Variants in CNTNAP3B observed in about 807,000 individuals in gnomAD.
The protein encoded by CNTNAP3B is contactin associated protein family member 3B.
A neutral mutation model predicts 108.9 loss-of-function variants in CNTNAP3B; 25 were observed. The observed-to-expected ratio is 0.23, with a 90% CI of 0.17 to 0.32. CNTNAP3B has a LOEUF of 0.32. Among genes scored for constraint, CNTNAP3B ranks in the 10% least tolerant of loss-of-function variants. The probability of loss-of-function intolerance (pLI) is 1.00; values close to 1 mark genes in which losing one functional copy is unlikely to be tolerated. For synonymous variants in CNTNAP3B, 103 were observed against 473.4 expected, an observed-to-expected ratio of 0.22 and a Z score of 10.16; for missense variants, 252 against 1,210.4, an observed-to-expected ratio of 0.21 and a Z score of 11.75.
At chr9:41,939,103 C>A (rs1375039289) in intron 13 of CNTNAP3B, among the ~76,000 whole-genome samples, 1 of 152,290 alleles carries the variant, frequency 6.6e-6, no homozygotes, top group Non-Finnish European at 1.5e-5. Context: ...ATCTATAGAA[C>A]TGCATATTAG....
intron 13 of CNTNAP3B, among the ~76,000 whole-genome samples, chr9:41,950,495 T>A (rs1824642340): frequency 8.8e-6 from 1 of 113,348 alleles, no homozygotes; most frequent in East Asian, 2.9e-4. Context: ...CCAGATGCCC[T>A]TCAATGAGTG....
Position 41,983,733 on chromosome 9 carries a change from G to A in CNTNAP3B, c.1477+2435C>T, listed in dbSNP as rs1402010980. The stretch of plus-strand genomic sequence containing the variant: ...GACTCCTATGTTATCATCCACTCAA[G>A]ATACACCAAGGCATTAACTAATTTT... On this transcript the variant is annotated intron_variant, in intron 9 of 23. Coordinates refer to ENST00000377561, the MANE Select transcript of CNTNAP3B (RefSeq NM_001201380.3). 8 of 89,820 alleles carry A rather than the reference G, an allele frequency of 8.9e-5. No individual in the cohort carries two copies. The South Asian group carries it at 2.7e-3, about 30-fold the overall frequency. 5.6% of individuals were successfully genotyped at this position (89,820 alleles called of 1,614,324 possible). A position where few individuals can be genotyped will look rare whatever the true frequency, so the allele number is the denominator to read the frequency against.
At chr9:42,042,384 C>T (rs1826779048) in intron 3 of CNTNAP3B, among the ~76,000 whole-genome samples, 1 of 137,836 alleles carries the variant, frequency 7.3e-6, no homozygotes, top group Non-Finnish European at 1.5e-5. Context: ...TTTACGCTTA[C>T]TTATCTCTAT....
At chr9:41,951,136 A>G (rs1258480387) in intron 13 of CNTNAP3B, among the ~76,000 whole-genome samples, 15 of 139,688 alleles carry the variant, frequency 1.1e-4, no homozygotes, top group Non-Finnish European at 2.3e-4. Flanking sequence ...ATATTGCACT[A>G]TACTTCTACA....
intron 1 of CNTNAP3B, among the ~76,000 whole-genome samples, chr9:42,127,524 G>C (rs926166504): frequency 7.2e-6 from 1 of 139,424 alleles, no homozygotes; most frequent in Non-Finnish European, 1.5e-5. Flanking sequence ...GTTGTATTTT[G>C]CCAGTTGATT....
At chr9:41,951,538 G>T (rs1220796254) in intron 13 of CNTNAP3B, among the ~76,000 whole-genome samples, 2 of 152,248 alleles carry the variant, frequency 1.3e-5, no homozygotes, top group African/African-American at 2.4e-5. Flanking sequence ...AACCCCATGA[G>T]ATCAGTACTA....
At chr9:42,047,360 G>C (rs1242416003) in intron 3 of CNTNAP3B, among the ~76,000 whole-genome samples, 1 of 134,236 alleles carries the variant, frequency 7.4e-6, no homozygotes, top group East Asian at 2.3e-4. Flanking sequence ...ATAATAAGAA[G>C]TAAGTGGTTA....
At chr9:41,952,368 C>T (rs1358615975) in intron 13 of CNTNAP3B, among the ~76,000 whole-genome samples, 1 of 152,178 alleles carries the variant, frequency 6.6e-6, no homozygotes. Context: ...ACTTCCTGGG[C>T]TCCAGTGATC....
At chr9:41,936,445 A>G (rs1308691139) in intron 14 of CNTNAP3B, among the ~76,000 whole-genome samples, 11 of 152,324 alleles carry the variant, frequency 7.2e-5, no homozygotes, top group African/African-American at 2.6e-4. Flanking sequence ...CTGAACAGCC[A>G]GGAGCTGGAG....
chr9:41,958,019 C>T (rs868224003), intron 12 of CNTNAP3B, among the ~76,000 whole-genome samples: 1 of 152,400 alleles, frequency 6.6e-6, no homozygotes, highest in Middle Eastern at 3.4e-3. Flanking sequence ...GCCTCAGCCT[C>T]CCACAGTGCT....
chr9:42,094,715 CAAGGAAGG>C (rs1209160324), intron 2 of CNTNAP3B, among the ~76,000 whole-genome samples: 1 of 67,030 alleles, frequency 1.5e-5, no homozygotes, highest in East Asian at 5.9e-4. Context: ...AGGAAAAAAG[CAAGGAAGG>C]AAGGAAGGAG....
chr9:42,121,984 CTCCAAG>C lies in CNTNAP3B; in HGVS notation c.85+7020_85+7025del, dbSNP rs1184924021. ...AGCATATTTGCATCAATTTCCTTGCCTCCAAGTCCTCTGGGGGAATATGGATGGGCA... is the reference window on the plus strand; with the variant it reads ...AGCATATTTGCATCAATTTCCTTGCCTCCTCTGGGGGAATATGGATGGGCA... On this transcript the variant is annotated intron_variant, in intron 1 of 23. Transcript: ENST00000377561. 2.9e-5 allele frequency among the ~76,000 whole-genome samples: 4 copies of C among 139,688 alleles called. 1 individual carries two copies. In the South Asian group the frequency reaches 9.3e-4, roughly 32 times the overall value. 91.6% of individuals were successfully genotyped at this position (139,688 alleles called of 152,430 possible). A position where few individuals can be genotyped will look rare whatever the true frequency, so the allele number is the denominator to read the frequency against.
At chr9:42,002,499 C>A (rs1336061007) in intron 4 of CNTNAP3B, among the ~76,000 whole-genome samples, 1 of 105,666 alleles carries the variant, frequency 9.5e-6, no homozygotes, top group African/African-American at 3.7e-5. Context: ...AATACGAATT[C>A]TTGCAGATAA....
chr9:41,917,012 G>A (rs1217940416), intron 18 of CNTNAP3B, among the ~76,000 whole-genome samples: 3 of 152,102 alleles, frequency 2.0e-5, no homozygotes, highest in Non-Finnish European at 4.4e-5. Flanking sequence ...AGATGTGTCT[G>A]GATATAAACT....
intron 13 of CNTNAP3B, among the ~76,000 whole-genome samples, chr9:41,950,037 A>G (rs1416362033): frequency 2.2e-5 from 3 of 134,174 alleles, no homozygotes; most frequent in Non-Finnish European, 4.8e-5. Flanking sequence ...CAGTAACAAA[A>G]CAAATCCAAA....
chr9:42,004,785 G>A (rs944463074), intron 4 of CNTNAP3B, among the ~76,000 whole-genome samples: 14 of 119,044 alleles, frequency 1.2e-4, no homozygotes, highest in African/African-American at 3.2e-4. Context: ...GATGTATTGG[G>A]ATTCTGTAGA....
chr9:41,966,233 C>A, intron 10 of CNTNAP3B, among the ~76,000 whole-genome samples: 1 of 152,416 alleles, frequency 6.6e-6, no homozygotes. Flanking sequence ...ATCTTAAGAT[C>A]ATACCTGACT....
At chr9:41,921,498 G>A (rs1006557072) in intron 17 of CNTNAP3B, among the ~76,000 whole-genome samples, 6 of 150,464 alleles carry the variant, frequency 4.0e-5, no homozygotes, top group African/African-American at 1.5e-4. Context: ...TAGGTTGGGT[G>A]ATAATTTGTG....
intron 3 of CNTNAP3B, among the ~76,000 whole-genome samples, chr9:42,019,726 A>T (rs1276826203): frequency 6.8e-6 from 1 of 147,408 alleles, no homozygotes; most frequent in Non-Finnish European, 1.5e-5. Context: ...GCACCACTGC[A>T]CTCCAGCCTT....
Sources: gnomAD v4.1 joint callset for allele counts (sites outside exome capture counted in the v4.1 genomes callset) on GRCh38, gnomAD v4.1.1 for gene constraint, MANE v1.5 for transcripts, NCBI Gene and HGNC (gene_info 2026-07-23, HGNC 2026-07-21) for gene names.